Variants in PCDH7 observed in about 807,000 individuals in gnomAD.
The protein encoded by PCDH7 is protocadherin-7.
Under a neutral mutation model 58.9 loss-of-function variants are expected in PCDH7, and 17 were observed. That is an observed-to-expected ratio of 0.29 (90% CI 0.20 to 0.43). The LOEUF (loss-of-function observed/expected upper bound fraction) is 0.43, where lower values mean the gene tolerates loss of function less well. PCDH7 is among the 20% of genes least tolerant of loss of function. The pLI is 1.00. For missense variants in PCDH7, 1,274 were observed against 1,441.0 expected (o/e 0.88, Z 1.88); for synonymous variants, 664 against 616.4 (o/e 1.08, Z -1.14).
chr4:31,078,002 C>G (rs1033167385), intron 3 of PCDH7, among the ~76,000 whole-genome samples: 4 of 151,992 alleles, frequency 2.6e-5, no homozygotes, highest in Non-Finnish European at 4.4e-5. Flanking sequence ...TCTCAGGATT[C>G]GATGTGAGCC....
chr4:30,764,715 T>G (rs993386597), intron 1 of PCDH7, among the ~76,000 whole-genome samples: 1 of 58,112 alleles, frequency 1.7e-5, no homozygotes, highest in Non-Finnish European at 3.2e-5. Flanking sequence ...TGGTGTTTGT[T>G]TGTTTGTTTG....
chr4:30,906,318 C>T (rs1024632090), intron 1 of PCDH7, among the ~76,000 whole-genome samples: 1 of 152,056 alleles, frequency 6.6e-6, no homozygotes, highest in African/African-American at 2.4e-5. Flanking sequence ...TTAAAATTCC[C>T]TCATTTTAAA....
chr4:30,957,684 T>G (rs1261473620), intron 3 of PCDH7, among the ~76,000 whole-genome samples: 1 of 152,200 alleles, frequency 6.6e-6, no homozygotes, highest in Non-Finnish European at 1.5e-5. Flanking sequence ...ATATCTGAAC[T>G]AGTTCTCAAA....
intron 2 of PCDH7, among the ~76,000 whole-genome samples, chr4:30,928,286 T>C (rs1375060563): frequency 6.6e-6 from 1 of 152,218 alleles, no homozygotes; most frequent in Non-Finnish European, 1.5e-5. Context: ...ATCTCAATAT[T>C]CCTCTTCTAA....
At chr4:30,724,049 A>G in exon 1 of PCDH7, 1 of 1,614,114 alleles carries the variant, frequency 6.2e-7, no homozygotes, top group Non-Finnish European at 8.5e-7. Flanking sequence ...ATTAGCAAAC[A>G]GAGACTCAGT....
intron 1 of PCDH7, among the ~76,000 whole-genome samples, chr4:30,768,663 T>C (rs1036949314): frequency 5.3e-5 from 8 of 152,216 alleles, no homozygotes; most frequent in African/African-American, 1.7e-4. Context: ...TTATCACCAG[T>C]GAACTTATTT....
chr4:30,728,939 T>C lies in PCDH7; in HGVS notation c.3175-1814T>C, dbSNP rs1715048644. The stretch of plus-strand genomic sequence containing the variant: ...GTCTTTTATTTAGTCATGATGTTTA[T>C]AGATTAATATGTGAAAAATATCTAA... On this transcript the variant is annotated intron_variant, in intron 1 of 1. Coordinates refer to ENST00000361762, the Ensembl canonical transcript of PCDH7. Among the ~76,000 whole-genome samples the C allele has an allele frequency of 2.0e-5, 3 of 151,872 alleles. No homozygotes were observed. The South Asian group carries it at 6.2e-4, about 32-fold the overall frequency.
chr4:30,871,955 G>A (rs941356988), intron 1 of PCDH7, among the ~76,000 whole-genome samples: 3 of 151,974 alleles, frequency 2.0e-5, no homozygotes, highest in African/African-American at 7.2e-5. Context: ...TCCTTACATG[G>A]TGTTTTCATT....
chr4:31,055,765 C>T lies in PCDH7; in HGVS notation c.*8-86708C>T, dbSNP rs181607686. Among the ~76,000 whole-genome samples the T allele has an allele frequency of 4.6e-3, 692 of 151,726 alleles. 2 individuals are homozygous for T. Among genetic ancestry groups the T allele is most frequent in the Non-Finnish European group, 8.1e-3 (553 of 67,862 alleles). On this transcript the variant is annotated intron_variant, in intron 3 of 3. Coordinates refer to the PCDH7 transcript ENST00000509759. The stretch of plus-strand genomic sequence containing the variant: ...CTAATTTTTGTATTTTTAGTAGAGG[C>T]GGGGTTTCGCCATGTTAGCCAGGCT...
chr4:30,961,388 CA>C (rs36009331), intron 3 of PCDH7, among the ~76,000 whole-genome samples: 56,465 of 143,666 alleles, frequency 0.39, 12,311 homozygotes, highest in African/African-American at 0.63. Flanking sequence ...ACTAAAAATA[CA>C]AAAAAAAAAA....
At chr4:31,061,005 C>T (rs994027153) in intron 3 of PCDH7, among the ~76,000 whole-genome samples, 1 of 151,600 alleles carries the variant, frequency 6.6e-6, no homozygotes, top group Non-Finnish European at 1.5e-5. Flanking sequence ...AGAGACTCTT[C>T]GTTTCTGTCA....
intron 1 of PCDH7, among the ~76,000 whole-genome samples, chr4:30,892,106 C>T (rs1478771210): frequency 6.6e-6 from 1 of 152,052 alleles, no homozygotes; most frequent in Non-Finnish European, 1.5e-5. Flanking sequence ...AAGGCCCCCA[C>T]TTAACTGGGT....
At chr4:30,910,351 C>T (rs1741563627) in intron 1 of PCDH7, among the ~76,000 whole-genome samples, 1 of 152,130 alleles carries the variant, frequency 6.6e-6, no homozygotes, top group African/African-American at 2.4e-5. Flanking sequence ...AGCTTCTGCA[C>T]AGCAAAAGAA....
chr4:31,074,784 C>CAAAAAAAAA (rs1157267696), intron 3 of PCDH7, among the ~76,000 whole-genome samples: 954 of 52,462 alleles, frequency 0.018, 46 homozygotes, highest in Middle Eastern at 0.037. Context: ...GATTCCGTCT[C>CAAAAAAAAA]AAAAAAAAAA....
At chr4:30,996,050 A>G (rs1031995785) in intron 3 of PCDH7, among the ~76,000 whole-genome samples, 10 of 151,154 alleles carry the variant, frequency 6.6e-5, no homozygotes, top group African/African-American at 2.4e-4. Flanking sequence ...CAATGTTTAT[A>G]CATATATTTA....
chr4:30,811,783 G>T (rs1474689839), intron 1 of PCDH7, among the ~76,000 whole-genome samples: 1 of 152,180 alleles, frequency 6.6e-6, no homozygotes, highest in Non-Finnish European at 1.5e-5. Flanking sequence ...GAGCCTAGGG[G>T]CCATGAAAGT....
chr4:30,915,177 A>G (rs1037337779), intron 1 of PCDH7, among the ~76,000 whole-genome samples: 24 of 152,194 alleles, frequency 1.6e-4, no homozygotes, highest in African/African-American at 5.3e-4. Flanking sequence ...ATGTAGATCA[A>G]TAAATCAAAC....
At chr4:30,867,915 A>G (rs1476886956) in intron 1 of PCDH7, among the ~76,000 whole-genome samples, 1 of 152,098 alleles carries the variant, frequency 6.6e-6, no homozygotes, top group Non-Finnish European at 1.5e-5. Context: ...TATTTTTAAT[A>G]TACATTAAAA....
intron 3 of PCDH7, among the ~76,000 whole-genome samples, chr4:30,984,162 C>T (rs557546533): frequency 1.3e-5 from 2 of 152,172 alleles, no homozygotes; most frequent in East Asian, 3.9e-4. Flanking sequence ...CCTTGCTATT[C>T]TTTGGGGGTG....
Sources: gnomAD v4.1 joint callset for allele counts (sites outside exome capture counted in the v4.1 genomes callset) on GRCh38, gnomAD v4.1.1 for gene constraint, MANE v1.5 for transcripts, NCBI Gene and HGNC (gene_info 2026-07-23, HGNC 2026-07-21) for gene names.